FLT4: variants seen among roughly 807,000 people sequenced by gnomAD.
FLT4 encodes the protein fms related receptor tyrosine kinase 4.
FLT4 carries 30 observed loss-of-function variants against 163.2 expected under a neutral mutation model. The ratio of observed to expected loss-of-function variants is 0.18; its 90% CI spans 0.14 to 0.25. The LOEUF is 0.25. Among genes scored for constraint, FLT4 ranks in the 10% least tolerant of loss-of-function variants. FLT4 has a pLI of 1.00. For missense variants in FLT4, 1,510 were observed against 1,863.8 expected, an observed-to-expected ratio of 0.81 and a Z score of 3.50; for synonymous variants, 884 against 789.5, an observed-to-expected ratio of 1.12 and a Z score of -2.01.
rs760476680 is a variant in FLT4, at chr5:180,625,945, C to T, written c.1345G>A (p.Gly449Arg). Reference sequence around the variant, plus strand: ...TGGATGCTGAGAGGCAGGGGCACCCCGTAGGCCGTGCAGGTGAGGGCCTGG... The same window carrying T: ...TGGATGCTGAGAGGCAGGGGCACCCTGTAGGCCGTGCAGGTGAGGGCCTGG... ...SRQALTCTAY[G>R]VPLPLSIQWH... The change falls in exon 10 of 30, where the codon GGG (glycine) becomes AGG (arginine). Residue 449 changes from glycine to arginine, a missense_variant. Gly to Arg is a moderately radical substitution (Grantham distance 125). Coordinates refer to ENST00000261937, the MANE Select transcript of FLT4 (RefSeq NM_182925.5). 6.2e-7 allele frequency: 1 copy of T among 1,612,710 alleles called. No homozygotes were observed. The highest frequency in any genetic ancestry group is 1.1e-5 in the South Asian group (1 of 91,076).
At chr5:180,619,450 G>T (rs1453827940) in intron 18 of FLT4, 84 bp from the exon 19 acceptor site, 3 of 991,582 alleles carry the variant, frequency 3.0e-6, no homozygotes, top group Non-Finnish European at 4.5e-6. Flanking sequence ...GAGGGGGAGG[G>T]TTACTAAGGG....
intron 1 of FLT4, among the ~76,000 whole-genome samples, chr5:180,642,871 G>A (rs1765230104): frequency 6.6e-6 from 1 of 152,222 alleles, no homozygotes; most frequent in Non-Finnish European, 1.5e-5. Context: ...ACCTCCTGCT[G>A]CAACAGCAGC....
Position 180,641,855 on chromosome 5 carries a change from G to A in FLT4, c.58+7633C>T, listed in dbSNP as rs116261665. On this transcript the variant is annotated intron_variant, in intron 1 of 29. Coordinates refer to ENST00000261937, the MANE Select transcript of FLT4 (RefSeq NM_182925.5). ...TCTCCAAGCCCCAGTCTTCCCACTT[G>A]TGAGATGTGGATTGGCCCTAGGATG... Among the ~76,000 whole-genome samples, 412 of 152,320 alleles carry A rather than the reference G, an allele frequency of 2.7e-3. 3 individuals carry two copies. The highest frequency in any genetic ancestry group is 9.2e-3 in the African/African-American group (384 of 41,566).
intron 7 of FLT4, 80 bp downstream of exon 7, chr5:180,629,179 G>T: frequency 6.4e-7 from 1 of 1,569,716 alleles, no homozygotes. Flanking sequence ...CCTCTGGCTG[G>T]ACTCCTGAGT....
chr5:180,611,004 C>T (rs1762137796), intron 27 of FLT4, among the ~76,000 whole-genome samples: 2 of 152,172 alleles, frequency 1.3e-5, no homozygotes, highest in African/African-American at 2.4e-5. Flanking sequence ...TTGCGGTGAG[C>T]CGAGATCGCG....
At chr5:180,646,642 C>T (rs571233783) in intron 1 of FLT4, among the ~76,000 whole-genome samples, 4 of 152,256 alleles carry the variant, frequency 2.6e-5, no homozygotes, top group African/African-American at 4.8e-5. Context: ...GGGCAATACA[C>T]GTCTGATGGC....
At chr5:180,649,463 C>T (rs1367295199) in intron 1 of FLT4, 25 bp downstream of exon 1, 9 of 1,450,778 alleles carry the variant, frequency 6.2e-6, no homozygotes, top group South Asian at 1.3e-5. Context: ...CACGCTCGGG[C>T]GGGTGGCCCG....
Position 180,620,257 on chromosome 5 carries a change from C to G in FLT4, c.2458G>C (p.Gly820Arg), listed in dbSNP as rs1276261095. Residue 820 changes from glycine (G) to arginine (R), a missense_variant, in exon 17 of 30, where the codon GGG (glycine) becomes CGG (arginine). Physicochemically the swap from Gly to Arg is moderately radical, Grantham distance 125. Coordinates refer to ENST00000261937, the MANE Select transcript of FLT4 (RefSeq NM_182925.5). This position sits in a 1 kb window ranked among gnomAD's most constrained non-coding sequence, Gnocchi z 4.4. ...CATTGCTCCTCCAGAGGCACCTCCC[C>G]GGGGTCCATGATGATGGACAGGTAG... ...TGYLSIIMDP[G>R]EVPLEEQCEY... is the part of the protein sequence containing the mutation. 1.2e-6 allele frequency: 2 copies of G among 1,611,970 alleles called. No individual in the cohort carries two copies. Among genetic ancestry groups the G allele is most frequent in the Non-Finnish European group, 8.5e-7 (1 of 1,179,972 alleles).
At chr5:180,643,754 G>T (rs1765308825) in intron 1 of FLT4, among the ~76,000 whole-genome samples, 1 of 151,686 alleles carries the variant, frequency 6.6e-6, no homozygotes, top group African/African-American at 2.4e-5. Context: ...TCACACCGAG[G>T]CTCCCCACCC....
intron 19 of FLT4, 71 bp downstream of exon 19, chr5:180,619,182 C>G: frequency 7.6e-7 from 1 of 1,309,144 alleles, no homozygotes; most frequent in Non-Finnish European, 9.8e-7. Flanking sequence ...GCGTTTGCAC[C>G]CGCGCCCCCT....
At position 180,611,454 on chromosome 5, in the gene FLT4, G is replaced by A. The variant is rs772928672; in HGVS notation, c.3563C>T (p.Pro1188Leu). 1.1e-5 allele frequency: 17 copies of A among 1,613,818 alleles called. No homozygotes were observed. The highest frequency in any genetic ancestry group is 4.0e-5 in the African/African-American group (3 of 74,870). Residue 1188 changes from proline to leucine, a missense_variant, in exon 27 of 30, where the codon CCG becomes CTG. By Grantham distance (98) the Pro-to-Leu change is moderately conservative. Coordinates refer to ENST00000261937, the MANE Select transcript of FLT4 (RefSeq NM_182925.5). ...CTCTTCTGAGCTCTGAGAGCTGCGCGGGGCCATGCAGACCTCCTCTTCCTC... is the reference window on the plus strand; with the variant it reads ...CTCTTCTGAGCTCTGAGAGCTGCGCAGGGCCATGCAGACCTCCTCTTCCTC... ...LQEEEEVCMA[P>L]RSSQSSEEGS... is the part of the protein sequence containing the mutation.
Position 180,616,378 on chromosome 5 carries a change from GGAC to G in FLT4, c.3205_3207del (p.Val1069del), listed in dbSNP as rs1561706590. ...TGGCCTGCACTCACACTGCCCTTGC[GGAC>G]GTAGTCGGGGTCTTTGTAGATGTCC... On this transcript the variant is annotated inframe_deletion, in exon 23 of 30. Transcript: ENST00000261937. The G allele has an allele frequency of 6.2e-7, 1 of 1,613,940 alleles. No homozygotes were observed. The highest frequency in any genetic ancestry group is 2.2e-5 in the East Asian group (1 of 44,888).
chr5:180,623,430 GACCCCCACCCCCACCCC>G lies in FLT4; in HGVS notation c.1548+488_1548+504del, dbSNP rs1280487472. Among the ~76,000 whole-genome samples the G allele has an allele frequency of 6.6e-6, 1 of 152,034 alleles. No individual in the cohort carries two copies. Among genetic ancestry groups the G allele is most frequent in the Non-Finnish European group, 1.5e-5 (1 of 67,988 alleles). ...CCACAGGCCCTGCCTACCATCCAAA[GACCCCCACCCCCACCCC>G]ACCCCCAGCTGGGCACTTCCTGTCC... On this transcript the variant is annotated intron_variant, in intron 11 of 29. Transcript: ENST00000261937. The surrounding 1 kb of genome is among the most constrained non-coding windows in gnomAD (Gnocchi z 5.8).
Position 180,626,205 on chromosome 5 carries a change from C to G in FLT4, c.1164G>C (p.Glu388Asp). 1 of 1,612,806 alleles carries G rather than the reference C, an allele frequency of 6.2e-7. No individual in the cohort carries two copies. The highest frequency in any genetic ancestry group is 8.5e-7 in the Non-Finnish European group (1 of 1,179,994). ...RHSPHALVLK[E>D]VTEASTGTYT... ...AGGTGCCTGTGCTGGCCTCTGTCAC[C>G]TCCTTGAGCACCAGGGCATGTGGAC... Residue 388 changes from glutamate to aspartate, a missense_variant, in exon 9 of 30, where the codon GAG becomes GAC. Glu to Asp is a conservative substitution (Grantham distance 45, BLOSUM62 2). Around this residue, in one of 5 missense-constraint regions of FLT4, gnomAD observed 878 missense variants for 1,016.7 expected, o/e 0.86. Transcript: ENST00000261937.
In FLT4 at chr5:180,623,808, A is replaced by G. The variant is rs567457126; in HGVS notation, c.1548+127T>C. The G allele has an allele frequency of 1.9e-4, 233 of 1,208,542 alleles. No individual in the cohort carries two copies. The East Asian group carries it at 3.7e-3, about 19-fold the overall frequency. The allele number at this position is 1,208,542 out of a possible 1,614,324, so 74.9% of individuals were successfully genotyped here. On this transcript the variant is annotated intron_variant, in intron 11 of 29. Coordinates refer to ENST00000261937, the MANE Select transcript of FLT4 (RefSeq NM_182925.5). This position sits in a 1 kb window ranked among gnomAD's most constrained non-coding sequence, Gnocchi z 5.8. ...TGGCCGAGGCCTACAGACTGCAGGA[A>G]GGTCACCCGCTCTCGGCTGCTCTGC... is the stretch of plus-strand genomic sequence containing the variant.
chr5:180,622,941 A>G (rs1448517774), intron 11 of FLT4, 102 bp from the exon 12 acceptor site: 2 of 752,844 alleles, frequency 2.7e-6, no homozygotes, highest in Non-Finnish European at 4.7e-6. Context: ...CCCCCCAATC[A>G]TGGGGGAAAC....
chr5:180,649,082 T>C (rs1765623468), intron 1 of FLT4, among the ~76,000 whole-genome samples: 1 of 151,900 alleles, frequency 6.6e-6, no homozygotes, highest in Non-Finnish European at 1.5e-5. Context: ...CCGGCCGGGA[T>C]GGATCTCCGG....
intron 29 of FLT4, among the ~76,000 whole-genome samples, chr5:180,605,705 G>A (rs549839956): frequency 3.3e-5 from 5 of 152,158 alleles, no homozygotes; most frequent in African/African-American, 4.8e-5. Flanking sequence ...TACACGTCCC[G>A]TATCATCCTG....
intron 10 of FLT4, among the ~76,000 whole-genome samples, chr5:180,624,966 A>G (rs918567996): frequency 6.6e-6 from 1 of 152,212 alleles, no homozygotes; most frequent in African/African-American, 2.4e-5. Context: ...GGACATTTGG[A>G]GGTGCTGGCA....
Sources: allele counts gnomAD v4.1 joint callset (sites outside exome capture counted in the v4.1 genomes callset), GRCh38; gene constraint gnomAD v4.1.1; regional missense constraint gnomAD v4.1.1; non-coding constraint Gnocchi (gnomAD v3.1); transcripts MANE v1.5; gene names NCBI Gene and HGNC (gene_info 2026-07-23, HGNC 2026-07-21).